Variants in SLC44A5 observed in about 807,000 individuals in gnomAD.
SLC44A5 encodes the protein choline transporter-like protein 5.
In SLC44A5, 57 loss-of-function variants were observed where a neutral mutation model predicts 101.8. The observed-to-expected ratio is 0.56, with a 90% CI of 0.45 to 0.70. The LOEUF is 0.70. Among genes scored for constraint, SLC44A5 ranks in the 30% least tolerant of loss-of-function variants. The probability of loss-of-function intolerance (pLI) is 0.00; values close to 1 mark genes in which losing one functional copy is unlikely to be tolerated. For missense variants in SLC44A5, 737 were observed against 853.1 expected (o/e 0.86, Z 1.70); for synonymous variants, 281 against 290.9 (o/e 0.97, Z 0.35).
At chr1:75,209,222 T>C (rs1296947966) in intron 23 of SLC44A5, among the ~76,000 whole-genome samples, 1 of 152,136 alleles carries the variant, frequency 6.6e-6, no homozygotes, top group African/African-American at 2.4e-5. Flanking sequence ...AAATTCAAAA[T>C]CAACTGCCAA....
intron 3 of SLC44A5, among the ~76,000 whole-genome samples, chr1:75,392,900 A>G (rs1386500825): frequency 6.6e-6 from 1 of 152,198 alleles, no homozygotes; most frequent in African/African-American, 2.4e-5. Flanking sequence ...TTGATGCAGA[A>G]ATAGAAAGCC....
chr1:75,550,291 C>T (rs1355332990), intron 1 of SLC44A5, among the ~76,000 whole-genome samples: 1 of 152,016 alleles, frequency 6.6e-6, no homozygotes, highest in Non-Finnish European at 1.5e-5. Flanking sequence ...AGAAGCCAGA[C>T]ACAAAAAGCC....
intron 2 of SLC44A5, among the ~76,000 whole-genome samples, chr1:75,502,435 C>T (rs993850831): frequency 3.3e-5 from 5 of 152,204 alleles, no homozygotes; most frequent in Admixed American, 3.3e-4. Flanking sequence ...CATGGGAAGT[C>T]TGAACTCACA....
chr1:75,336,444 G>A (rs919281399), intron 4 of SLC44A5, among the ~76,000 whole-genome samples: 5 of 152,140 alleles, frequency 3.3e-5, no homozygotes, highest in African/African-American at 4.8e-5. Context: ...ATGATCCACC[G>A]TGCCCGGCCA....
the SLC44A5 span, among the ~76,000 whole-genome samples, chr1:75,632,867 G>T: frequency 9.9e-5 from 15 of 152,162 alleles, no homozygotes; most frequent in African/African-American, 3.4e-4. Flanking sequence ...TTTAAAAGTT[G>T]CTGTGAGGCT....
At chr1:75,427,387 A>G (rs1449032067) in intron 2 of SLC44A5, among the ~76,000 whole-genome samples, 1 of 152,230 alleles carries the variant, frequency 6.6e-6, no homozygotes, top group East Asian at 1.9e-4. Flanking sequence ...ATGCATTGAA[A>G]TTCCAAAGCA....
At chr1:75,610,972 T>A in intron 1 of SLC44A5, 68 bp downstream of exon 1, 1 of 587,962 alleles carries the variant, frequency 1.7e-6, no homozygotes. Flanking sequence ...GAATACGTAC[T>A]TATGAATAAC....
intron 4 of SLC44A5, chr1:75,311,790 T>G (rs1001738275): frequency 6.5e-6 from 1 of 152,852 alleles, no homozygotes; most frequent in African/African-American, 2.4e-5. Context: ...AACATGATTC[T>G]ATGAGGGAAA....
At position 75,239,401 on chromosome 1, in the gene SLC44A5, A is replaced by AT. The variant is rs201440554; in HGVS notation, c.533-766dup. On this transcript the variant is annotated intron_variant, in intron 9 of 23. Coordinates refer to ENST00000370859, the MANE Select transcript of SLC44A5 (RefSeq NM_001130058.2). ...AAAATCAGAAATGGATCATTTTCAT[A>AT]TTTTTTTTTCTTATAAGAAGCATCA... 2.5e-4 allele frequency among the ~76,000 whole-genome samples: 38 copies of AT among 151,622 alleles called. No individual in the cohort carries two copies. The East Asian group carries it at 3.7e-3, about 15-fold the overall frequency.
chr1:75,385,557 C>A (rs577089778), intron 3 of SLC44A5, among the ~76,000 whole-genome samples: 82 of 152,184 alleles, frequency 5.4e-4, no homozygotes, highest in African/African-American at 1.9e-3. Context: ...GAAATTGTGG[C>A]AATAATCAAT....
chr1:75,669,983 A>T, the SLC44A5 span, among the ~76,000 whole-genome samples: 3 of 152,228 alleles, frequency 2.0e-5, no homozygotes, highest in Non-Finnish European at 2.9e-5. Context: ...AATGTATAAC[A>T]TGAGAGAAGG....
chr1:75,692,052 C>T, the SLC44A5 span, among the ~76,000 whole-genome samples: 2 of 152,070 alleles, frequency 1.3e-5, no homozygotes, highest in East Asian at 1.9e-4. Context: ...TGTGCAACTA[C>T]AGTGTTGAAT....
At chr1:75,479,717 T>C (rs1400890690) in intron 2 of SLC44A5, among the ~76,000 whole-genome samples, 1 of 152,228 alleles carries the variant, frequency 6.6e-6, no homozygotes, top group Non-Finnish European at 1.5e-5. Context: ...GTTGAATCTC[T>C]GAATAGACCA....
intron 3 of SLC44A5, among the ~76,000 whole-genome samples, chr1:75,389,178 T>C (rs2101340635): frequency 6.6e-6 from 1 of 152,310 alleles, no homozygotes; most frequent in East Asian, 1.9e-4. Context: ...CTCAGATTCA[T>C]AAAACAGGTA....
the SLC44A5 span, among the ~76,000 whole-genome samples, chr1:75,622,585 T>C: frequency 6.6e-6 from 1 of 151,960 alleles, no homozygotes; most frequent in African/African-American, 2.4e-5. Flanking sequence ...ACCCAGAAAT[T>C]TCACCAAGAG....
the SLC44A5 span, among the ~76,000 whole-genome samples, chr1:75,640,456 G>T: frequency 6.6e-6 from 1 of 152,028 alleles, no homozygotes; most frequent in Non-Finnish European, 1.5e-5. Context: ...AAATGTGACA[G>T]GGACTACACA....
intron 2 of SLC44A5, among the ~76,000 whole-genome samples, chr1:75,400,259 G>A (rs1037883498): frequency 1.3e-5 from 2 of 152,140 alleles, no homozygotes; most frequent in Admixed American, 1.3e-4. Context: ...TTTGGGTGAT[G>A]GGTTCCATAA....
intron 3 of SLC44A5, among the ~76,000 whole-genome samples, chr1:75,359,127 G>T (rs1289411965): frequency 6.7e-6 from 1 of 149,706 alleles, no homozygotes; most frequent in African/African-American, 2.5e-5. Flanking sequence ...CACTTATAAT[G>T]CCCTCCAGGC....
At chr1:75,375,127 A>G (rs887150832) in intron 3 of SLC44A5, among the ~76,000 whole-genome samples, 4 of 152,228 alleles carry the variant, frequency 2.6e-5, no homozygotes, top group African/African-American at 9.6e-5. Flanking sequence ...TGATCCAAGT[A>G]TCGAAAGACA....
Sources: gnomAD v4.1 joint callset for allele counts (sites outside exome capture counted in the v4.1 genomes callset) on GRCh38, gnomAD v4.1.1 for gene constraint, MANE v1.5 for transcripts, NCBI Gene and HGNC (gene_info 2026-07-23, HGNC 2026-07-21) for gene names.